The following ERC1 variants were observed in gnomAD, a reference collection of about 807,000 sequenced individuals.
ERC1 encodes the protein RAB6 interacting protein 2.
In ERC1, 56 loss-of-function variants were observed where a neutral mutation model predicts 132.0. The observed-to-expected ratio is 0.42, with a 90% confidence interval of 0.34 to 0.53. The LOEUF (loss-of-function observed/expected upper bound fraction) is 0.53, where lower values mean the gene tolerates loss of function less well. ERC1 is among the 20% of genes least tolerant of loss of function. The probability of loss-of-function intolerance (pLI) is 0.03; values close to 1 mark genes in which losing one functional copy is unlikely to be tolerated. For missense variants in ERC1, 1,202 were observed against 1,349.9 expected (o/e 0.89, Z 1.72); for synonymous variants, 478 against 476.1 (o/e 1.00, Z -0.05).
intron 2 of ERC1, among the ~76,000 whole-genome samples, chr12:1,039,384 A>G (rs750981942): frequency 3.3e-5 from 5 of 151,048 alleles, no homozygotes; most frequent in Admixed American, 6.6e-5. Context: ...ATAAAAAATT[A>G]GCTGGCATGG....
At chr12:1,327,434 C>A (rs2082525696) in intron 15 of ERC1, among the ~76,000 whole-genome samples, 1 of 152,048 alleles carries the variant, frequency 6.6e-6, no homozygotes, top group Admixed American at 6.6e-5. Flanking sequence ...AATATGTAGC[C>A]CCCAAATAAA....
intron 15 of ERC1, among the ~76,000 whole-genome samples, chr12:1,368,729 A>G (rs41369952): frequency 0.28 from 41,933 of 152,180 alleles, 6,177 homozygotes; most frequent in Middle Eastern, 0.35. Flanking sequence ...CAAATTTACC[A>G]GAATTGTAAC....
chr12:1,118,795 A>C (rs1369173281), intron 7 of ERC1, among the ~76,000 whole-genome samples: 1 of 152,224 alleles, frequency 6.6e-6, no homozygotes, highest in Non-Finnish European at 1.5e-5. Context: ...TTCTGCAGCT[A>C]TCCCAGACTT....
At chr12:1,134,201 C>T (rs1412240498) in intron 7 of ERC1, among the ~76,000 whole-genome samples, 1 of 152,026 alleles carries the variant, frequency 6.6e-6, no homozygotes, top group Non-Finnish European at 1.5e-5. Flanking sequence ...GCACCCCCTC[C>T]CCCTTGATTA....
intron 7 of ERC1, among the ~76,000 whole-genome samples, chr12:1,133,046 C>T (rs1034366874): frequency 2.6e-5 from 4 of 151,800 alleles, no homozygotes; most frequent in East Asian, 1.9e-4. Context: ...TTAGTAGAGA[C>T]GGGATTTCAC....
At chr12:1,206,785 A>T (rs184197239) in intron 12 of ERC1, among the ~76,000 whole-genome samples, 45 of 152,218 alleles carry the variant, frequency 3.0e-4, no homozygotes, top group Non-Finnish European at 5.6e-4. Flanking sequence ...GCTCAATATT[A>T]TTAATATCTA....
intron 18 of ERC1, among the ~76,000 whole-genome samples, chr12:1,460,539 A>G (rs2093624351): frequency 6.6e-6 from 1 of 152,220 alleles, no homozygotes; most frequent in Non-Finnish European, 1.5e-5. Context: ...GTTTAATTGT[A>G]AACATTACAA....
chr12:1,305,528 T>C (rs1293425630), intron 15 of ERC1, among the ~76,000 whole-genome samples: 1 of 152,200 alleles, frequency 6.6e-6, no homozygotes, highest in Non-Finnish European at 1.5e-5. Flanking sequence ...CCGTAAGTTA[T>C]TTCCACTTAA....
intron 1 of ERC1, among the ~76,000 whole-genome samples, chr12:1,012,807 G>A (rs1964914885): frequency 6.6e-6 from 1 of 152,112 alleles, no homozygotes; most frequent in Non-Finnish European, 1.5e-5. Context: ...TTTTGGACCA[G>A]AATTCAGAAT....
At chr12:1,092,272 T>C (rs528735768) in intron 3 of ERC1, among the ~76,000 whole-genome samples, 1 of 152,176 alleles carries the variant, frequency 6.6e-6, no homozygotes, top group Non-Finnish European at 1.5e-5. Flanking sequence ...GCTGGGATTA[T>C]AGGCGTGAGC....
At chr12:1,404,855 A>G (rs7488294) in intron 16 of ERC1, among the ~76,000 whole-genome samples, 23,577 of 152,068 alleles carry the variant, frequency 0.16, 2,158 homozygotes, top group Middle Eastern at 0.25. Context: ...AAATGTGGGG[A>G]GAGCCGGGCG....
Position 1,241,847 on chromosome 12 carries a change from CTTTTTTTTTTTT to C in ERC1, c.2487+4959_2487+4970del, listed in dbSNP as rs57016547. ...CCAATTTTTTGCATTTCTTCTTCTT[CTTTTTTTTTTTT>C]TTTTTTTTTTTTTTTGTGATGGAGT... is the stretch of plus-strand genomic sequence containing the variant. On this transcript the variant is annotated intron_variant, in intron 13 of 18. Coordinates refer to ENST00000360905, the MANE Select transcript of ERC1 (RefSeq NM_178040.4). Among the ~76,000 whole-genome samples the C allele has an allele frequency of 6.0e-3, 487 of 80,534 alleles. 3 individuals carry two copies. The highest frequency in any genetic ancestry group is 0.015 in the Admixed American group (93 of 6,360). 52.8% of individuals were successfully genotyped at this position (80,534 alleles called of 152,430 possible). A position where few individuals can be genotyped will look rare whatever the true frequency, so the allele number is the denominator to read the frequency against.
At chr12:1,058,251 G>C (rs1285758205) in intron 2 of ERC1, among the ~76,000 whole-genome samples, 1 of 152,010 alleles carries the variant, frequency 6.6e-6, no homozygotes, top group African/African-American at 2.4e-5. Context: ...TACCAAGAAA[G>C]TCTTTTCCTA....
chr12:1,102,702 G>C (rs1269958758), intron 3 of ERC1, among the ~76,000 whole-genome samples: 1 of 152,198 alleles, frequency 6.6e-6, no homozygotes, highest in East Asian at 1.9e-4. Flanking sequence ...AGCTTTTGTG[G>C]AGCGTACATT....
chr12:1,413,482 T>A (rs991980947), intron 17 of ERC1, among the ~76,000 whole-genome samples: 4 of 151,954 alleles, frequency 2.6e-5, no homozygotes, highest in Non-Finnish European at 5.9e-5. Context: ...TAGTCCCAGC[T>A]ACTCAGGAGG....
At chr12:1,442,629 G>A (rs1216376362) in intron 17 of ERC1, among the ~76,000 whole-genome samples, 9 of 152,218 alleles carry the variant, frequency 5.9e-5, no homozygotes, top group African/African-American at 2.2e-4. Context: ...GCAAGCTGAA[G>A]ATTGTTTTAG....
chr12:1,342,992 A>G (rs1476659120), intron 15 of ERC1, among the ~76,000 whole-genome samples: 1 of 152,208 alleles, frequency 6.6e-6, no homozygotes, highest in Non-Finnish European at 1.5e-5. Flanking sequence ...TATCTATGTT[A>G]TCTGCCTTTT....
chr12:1,461,814 G>A (rs1293162677), intron 18 of ERC1, among the ~76,000 whole-genome samples: 1 of 152,104 alleles, frequency 6.6e-6, no homozygotes, highest in Non-Finnish European at 1.5e-5. Context: ...CAATTCAGCA[G>A]GCATAGAGAC....
intron 18 of ERC1, among the ~76,000 whole-genome samples, chr12:1,487,038 G>A (rs2094229789): frequency 6.6e-6 from 1 of 152,172 alleles, no homozygotes; most frequent in Non-Finnish European, 1.5e-5. Flanking sequence ...GTTCTGCTGA[G>A]ACTTTAGGGT....
Sources: gnomAD v4.1 joint callset for allele counts (sites outside exome capture counted in the v4.1 genomes callset) on GRCh38, gnomAD v4.1.1 for gene constraint, MANE v1.5 for transcripts, NCBI Gene and HGNC (gene_info 2026-07-23, HGNC 2026-07-21) for gene names.